SRM: variants seen among roughly 807,000 people sequenced by gnomAD.
The protein encoded by SRM is spermidine synthase, also known as putrescine aminopropyltransferase.
SRM carries 14 observed loss-of-function variants against 39.3 expected under a neutral mutation model. The observed-to-expected ratio is 0.36, with a 90% CI of 0.24 to 0.56. SRM has a LOEUF of 0.56. Ranked by LOEUF, SRM falls within the 20% of genes least tolerant of loss-of-function variation. The probability of loss-of-function intolerance (pLI) is 0.86; values close to 1 mark genes in which losing one functional copy is unlikely to be tolerated. For synonymous variants in SRM, 195 were observed against 173.1 expected (o/e 1.13, Z -0.99); for missense variants, 244 against 409.2 (o/e 0.60, Z 3.48).
chr1:11,055,652 T>G (rs1200156554), intron 6 of SRM, 129 bp downstream of exon 6: 1 of 925,272 alleles, frequency 1.1e-6, no homozygotes, highest in African/African-American at 1.7e-5. Flanking sequence ...CCTGACCTTG[T>G]GATCTGCCCG....
chr1:11,055,935 C>T lies in SRM; in HGVS notation c.620-9G>A, dbSNP rs760503767. 2.5e-6 allele frequency: 4 copies of T among 1,595,138 alleles called. No homozygotes were observed. The highest frequency in any genetic ancestry group is 3.4e-6 in the Non-Finnish European group (4 of 1,168,380). The stretch of plus-strand genomic sequence containing the variant: ...CAGCCACTGGCACTCGCCTGGGGGC[C>T]CCTAAGCATCAGCATCCGGCAGGGC... On this transcript the variant is annotated splice_polypyrimidine_tract_variant and intron_variant, in intron 5 of 7. Transcript: ENST00000376957.
At chr1:11,055,675 A>G in intron 6 of SRM, 106 bp downstream of exon 6, 1 of 1,232,312 alleles carries the variant, frequency 8.1e-7, no homozygotes, top group East Asian at 2.6e-5. Context: ...TCAGCCTCCC[A>G]AAGTGCTGGG....
chr1:11,054,598 A>G lies in SRM; in HGVS notation c.*267T>C. 5 of 512,062 alleles carry G rather than the reference A, an allele frequency of 9.8e-6. No individual in the cohort carries two copies. The highest frequency in any genetic ancestry group is 1.4e-5 in the Non-Finnish European group (4 of 293,206). The allele number at this position is 512,062 out of a possible 1,614,324, so 31.7% of individuals were successfully genotyped here. A position where few individuals can be genotyped will look rare whatever the true frequency, so the allele number is the denominator to read the frequency against. On this transcript the variant is annotated 3_prime_UTR_variant, in exon 8 of 8. Transcript: ENST00000376957. This position sits in a 1 kb window ranked among gnomAD's most constrained non-coding sequence, Gnocchi z 4.8. ...ACACAGGACTCCAATCTTTGCTATAAATACACGTGTTTGGTGAGTGAGGGG... is the reference window on the plus strand; with the variant it reads ...ACACAGGACTCCAATCTTTGCTATAGATACACGTGTTTGGTGAGTGAGGGG...
chr1:11,054,644 G>A lies in SRM; in HGVS notation c.*221C>T, dbSNP rs1638835448. ...AGGGGCAACAGAAGGCAGAGAGATG[G>A]CGCTGTACACAGCTGGTATAGGCTT... On this transcript the variant is annotated 3_prime_UTR_variant, in exon 8 of 8. Transcript: ENST00000376957. This position sits in a 1 kb window ranked among gnomAD's most constrained non-coding sequence, Gnocchi z 4.8. The A allele has an allele frequency of 1.6e-6, 1 of 617,056 alleles. No homozygotes were observed. The highest frequency in any genetic ancestry group is 2.1e-5 in the South Asian group (1 of 46,754). 38.2% of individuals were successfully genotyped at this position (617,056 alleles called of 1,614,324 possible). A position where few individuals can be genotyped will look rare whatever the true frequency, so the allele number is the denominator to read the frequency against.
In SRM at chr1:11,055,960, C is replaced by A. The variant is rs781531023; in HGVS notation, c.620-34G>T. Reference sequence around the variant, plus strand: ...CCCTAAGCATCAGCATCCGGCAGGGCCTGCCCTGCCCCACCCCGCCCCGCC... The same window carrying A: ...CCCTAAGCATCAGCATCCGGCAGGGACTGCCCTGCCCCACCCCGCCCCGCC... On this transcript the variant is annotated intron_variant, in intron 5 of 7. Transcript: ENST00000376957. The A allele has an allele frequency of 1.0e-5, 16 of 1,588,570 alleles. No homozygotes were observed. The Admixed American group carries it at 1.0e-4, about 10-fold the overall frequency.
rs76131064 is a variant in SRM at position 11,059,259 on chromosome 1, T to C, written c.254A>G (p.Asn85Ser). The change falls in exon 2 of 8, where the codon AAC becomes AGC. Residue 85 changes from asparagine (N) to serine (S), a missense_variant. Physicochemically the swap from Asn to Ser is conservative, Grantham distance 46. Coordinates refer to ENST00000376957, the MANE Select transcript of SRM (RefSeq NM_003132.3). ...DEFSYQEMIA[N>S]LPLCSHPNPR... Reference sequence around the variant, plus strand: ...GTTGGGGTGGCTGCAGAGAGGCAGGTTGGCGATCATCTCCTGGTAGGAGAA... The same window carrying C: ...GTTGGGGTGGCTGCAGAGAGGCAGGCTGGCGATCATCTCCTGGTAGGAGAA... 2.5e-6 allele frequency: 4 copies of C among 1,612,872 alleles called. No individual in the cohort carries two copies. Among genetic ancestry groups the C allele is most frequent in the African/African-American group, 1.3e-5 (1 of 74,918 alleles).
Position 11,056,873 on chromosome 1 carries a change from CCTTTT to C in SRM, c.382-121_382-117del, listed in dbSNP as rs148999792. ...GCAAGCCGCCTTGGCCAACCCCTTCCCTTTTTTTTATTATTTTTTTTTGAGACAGG... is the reference window on the plus strand; with the variant it reads ...GCAAGCCGCCTTGGCCAACCCCTTCCTTTTATTATTTTTTTTTGAGACAGG... On this transcript the variant is annotated intron_variant, in intron 3 of 7. Coordinates refer to ENST00000376957, the MANE Select transcript of SRM (RefSeq NM_003132.3). The C allele has an allele frequency of 2.8e-3, 2,877 of 1,041,744 alleles. 73 individuals are homozygous for C. The African/African-American group carries it at 0.04, about 15-fold the overall frequency. 64.5% of individuals were successfully genotyped at this position (1,041,744 alleles called of 1,614,324 possible).
intron 3 of SRM, among the ~76,000 whole-genome samples, chr1:11,057,444 C>A (rs1301571983): frequency 6.6e-6 from 1 of 151,394 alleles, no homozygotes; most frequent in Non-Finnish European, 1.5e-5. Flanking sequence ...CAGGCGCACG[C>A]CACCAAGCTG....
intron 3 of SRM, 77 bp from the exon 4 acceptor site, chr1:11,056,834 C>T (rs1638887367): frequency 2.6e-6 from 4 of 1,517,334 alleles, no homozygotes; most frequent in Admixed American, 1.9e-5. Context: ...TGGGACTCTC[C>T]AAGTGCCTCA....
Position 11,059,231 on chromosome 1 carries a change from C to G in SRM, c.282G>C (p.Pro94=). 6.2e-7 allele frequency: 1 copy of G among 1,613,450 alleles called. No individual in the cohort carries two copies. Among genetic ancestry groups the G allele is most frequent in the Non-Finnish European group, 8.5e-7 (1 of 1,179,972 alleles). ...CCAGGGGACACTGGGGTACCTTTCG[C>G]GGGTTGGGGTGGCTGCAGAGAGGCA... is the stretch of plus-strand genomic sequence containing the variant. ...ANLPLCSHPN[P]RKVLIIGGGD... Residue 94 remains proline, a synonymous_variant, in exon 2 of 8, where the codon CCG becomes CCC. Transcript: ENST00000376957.
chr1:11,058,983 G>A (rs549778023), intron 2 of SRM, 91 bp from the exon 3 acceptor site: 18 of 1,335,250 alleles, frequency 1.3e-5, no homozygotes, highest in Admixed American at 2.6e-5. Flanking sequence ...TCGGACCCAC[G>A]GGCCTCATCT....
chr1:11,058,640 C>T, intron 3 of SRM, 160 bp downstream of exon 3: 1 of 560,048 alleles, frequency 1.8e-6, no homozygotes, highest in Non-Finnish European at 3.1e-6. Flanking sequence ...CTGCCAGGCC[C>T]TCTGCCATCT....
Position 11,059,905 on chromosome 1 carries a change from G to A in SRM, c.39C>T (p.Pro13=), listed in dbSNP as rs1185466338. 4.3e-6 allele frequency: 6 copies of A among 1,404,074 alleles called. No individual in the cohort carries two copies. The East Asian group carries it at 1.5e-4, about 35-fold the overall frequency. The allele number at this position is 1,404,074 out of a possible 1,614,324, so 87.0% of individuals were successfully genotyped here. ...GGAACCAGCCCTCGCGGATGGCGGC[G>A]GGGCCGGAGGCGGCGGGGCCGTCGG... ...PGPDGPAASG[P]AAIREGWFRE... is the part of the protein sequence containing the mutation. Residue 13 remains proline, a synonymous_variant, in exon 1 of 8, where the codon CCC becomes CCT. Coordinates refer to ENST00000376957, the MANE Select transcript of SRM (RefSeq NM_003132.3).
intron 6 of SRM, 199 bp from the exon 7 acceptor site, chr1:11,055,283 ATT>A: frequency 1.5e-6 from 1 of 660,418 alleles, no homozygotes; most frequent in South Asian, 2.2e-5. Context: ...TTTTTTTTGT[ATT>A]TTGAGTAGTG....
intron 6 of SRM, among the ~76,000 whole-genome samples, chr1:11,055,417 G>GTT (rs763083486): frequency 7.4e-5 from 10 of 134,370 alleles, no homozygotes; most frequent in South Asian, 2.4e-4. Context: ...CCTGGGGAGG[G>GTT]TTTTTTTTTT....
In SRM at chr1:11,055,003, C is replaced by T. The variant is rs565824544; in HGVS notation, c.847G>A (p.Val283Met). 3.1e-6 allele frequency: 5 copies of T among 1,612,698 alleles called. No individual in the cohort carries two copies. Among genetic ancestry groups the T allele is most frequent in the African/African-American group, 1.3e-5 (1 of 74,998 alleles). Reference sequence around the variant, plus strand: ...GGCAGCACAAAGGCGGCGCGGTGCACGTCGGAGTTGTAGTACTTCAGCTGC... The same window carrying T: ...GGCAGCACAAAGGCGGCGCGGTGCATGTCGGAGTTGTAGTACTTCAGCTGC... ...QMQLKYYNSD[V>M]HRAAFVLPEF... The change falls in exon 7 of 8, where the codon GTG (valine) becomes ATG (methionine). Residue 283 changes from valine (V) to methionine (M), a missense_variant. Val to Met is a conservative substitution (Grantham distance 21). Coordinates refer to ENST00000376957, the MANE Select transcript of SRM (RefSeq NM_003132.3).
chr1:11,055,752 A>ACCCCCCCCCCCCCCCAC, intron 6 of SRM, 29 bp downstream of exon 6: 1 of 1,466,030 alleles, frequency 6.8e-7, no homozygotes, highest in Non-Finnish European at 9.3e-7. Flanking sequence ...CTTCCCCCCA[A>ACCCCCCCCCCCCCCCAC]CCCCCACCCC....
chr1:11,055,111 G>C lies in SRM; in HGVS notation c.766-27C>G, dbSNP rs558646520. The C allele has an allele frequency of 1.5e-4, 230 of 1,553,480 alleles. 2 individuals carry two copies. In the Admixed American group the frequency reaches 4.1e-3, roughly 28 times the overall value. ...TGGGGACCGGGCCAGGGGCACATCA[G>C]GGGGGGCACTTTTTTTTTTTTTTTT... is the stretch of plus-strand genomic sequence containing the variant. On this transcript the variant is annotated intron_variant, in intron 6 of 7. Transcript: ENST00000376957.
At position 11,055,916 on chromosome 1, in the gene SRM, C is replaced by T. The variant is rs761644548; in HGVS notation, c.630G>A (p.Gln210=). The T allele has an allele frequency of 2.9e-5, 47 of 1,602,742 alleles. No homozygotes were observed. Among genetic ancestry groups the T allele is most frequent in the Non-Finnish European group, 4.0e-5 (47 of 1,172,472 alleles). ...CCTTGATGAGGTCCAGGTGCAGCCA[C>T]TGGCACTCGCCTGGGGGCCCCTAAG... ...DGVLCCQGEC[Q]WLHLDLIKEM... is the part of the protein sequence containing the mutation. Residue 210 remains glutamine, a synonymous_variant, in exon 6 of 8, where the codon CAG becomes CAA. Transcript: ENST00000376957.
Sources: allele counts gnomAD v4.1 joint callset (sites outside exome capture counted in the v4.1 genomes callset), GRCh38; gene constraint gnomAD v4.1.1; non-coding constraint Gnocchi (gnomAD v3.1); transcripts MANE v1.5; gene names NCBI Gene and HGNC (gene_info 2026-07-23, HGNC 2026-07-21).